SLMAP: variants seen among roughly 807,000 people sequenced by gnomAD.
The protein encoded by SLMAP is sarcolemma associated protein, also known as sarcolemmal membrane-associated protein.
SLMAP carries 44 observed loss-of-function variants against 128.8 expected under a neutral mutation model. The observed-to-expected ratio is 0.34, with a 90% CI of 0.27 to 0.44. SLMAP has a LOEUF of 0.44. Among genes scored for constraint, SLMAP ranks in the 20% least tolerant of loss-of-function variants. The pLI is 1.00. For synonymous variants in SLMAP, 327 were observed against 348.8 expected (o/e 0.94, Z 0.70); for missense variants, 787 against 985.3 (o/e 0.80, Z 2.69).
At position 57,880,169 on chromosome 3, in the gene SLMAP, T is replaced by TTTTTGTTTTG. The variant is rs74656522; in HGVS notation, c.1300+8509_1300+8518dup. Among the ~76,000 whole-genome samples the TTTTTGTTTTG allele has an allele frequency of 6.8e-3, 1,001 of 148,110 alleles. 6 individuals are homozygous for TTTTTGTTTTG. Among genetic ancestry groups the TTTTTGTTTTG allele is most frequent in the South Asian group, 0.03 (136 of 4,600 alleles). ...GTTTTATGTTCCTTTTTGTATGTCA[T>TTTTTGTTTTG]TTTTGTTTTGTTTTGTTTTGTTTTG... On this transcript the variant is annotated intron_variant, in intron 14 of 24. Coordinates refer to ENST00000671191, the MANE Select transcript of SLMAP (RefSeq NM_001377540.1).
chr3:57,924,656 C>T (rs920875739), intron 23 of SLMAP, among the ~76,000 whole-genome samples: 3 of 151,804 alleles, frequency 2.0e-5, no homozygotes, highest in African/African-American at 2.4e-5. Flanking sequence ...TGTGAGCCAC[C>T]GTGTCCAGCT....
rs2097049835 is a variant in SLMAP, at chr3:57,929,529, T to C, written c.*2240T>C. Among the ~76,000 whole-genome samples, 1 of 152,194 alleles carries C rather than the reference T, an allele frequency of 6.6e-6. No individual in the cohort carries two copies. Among genetic ancestry groups the C allele is most frequent in the Admixed American group, 6.5e-5 (1 of 15,292 alleles). Reference sequence around the variant, plus strand: ...AATAAGTCTGTTCATAAGCAATACCTTCAGTTTTGTTCAGTTCACTTCCAC... The same window carrying C: ...AATAAGTCTGTTCATAAGCAATACCCTCAGTTTTGTTCAGTTCACTTCCAC... On this transcript the variant is annotated 3_prime_UTR_variant, in exon 25 of 25. Transcript: ENST00000671191.
At chr3:57,837,040 A>G (rs962217416) in intron 3 of SLMAP, among the ~76,000 whole-genome samples, 4 of 152,196 alleles carry the variant, frequency 2.6e-5, no homozygotes, top group Admixed American at 1.3e-4. Flanking sequence ...AGCAAAGTCA[A>G]TGGTGTATCT....
At chr3:57,760,516 G>T (rs915426370) in intron 2 of SLMAP, among the ~76,000 whole-genome samples, 2 of 152,088 alleles carry the variant, frequency 1.3e-5, no homozygotes, top group Non-Finnish European at 2.9e-5. Flanking sequence ...CATCTATTAT[G>T]TGCCAGACAC....
At chr3:57,761,607 T>A (rs558774619) in intron 2 of SLMAP, among the ~76,000 whole-genome samples, 1 of 152,200 alleles carries the variant, frequency 6.6e-6, no homozygotes, top group East Asian at 1.9e-4. Context: ...AAGAAATTTT[T>A]AAAATTGAAA....
chr3:57,812,303 T>C (rs964160119), intron 2 of SLMAP, among the ~76,000 whole-genome samples: 2 of 152,230 alleles, frequency 1.3e-5, no homozygotes, highest in Non-Finnish European at 2.9e-5. Context: ...TATCCAGTTT[T>C]CCTAGCACCA....
At chr3:57,762,076 T>C (rs1367171288) in intron 2 of SLMAP, among the ~76,000 whole-genome samples, 5 of 135,290 alleles carry the variant, frequency 3.7e-5, no homozygotes, top group Non-Finnish European at 6.3e-5. Flanking sequence ...AAAAAAAAAG[T>C]TGGAAGAAAT....
intron 14 of SLMAP, among the ~76,000 whole-genome samples, chr3:57,881,054 C>A (rs1421284847): frequency 3.3e-5 from 5 of 151,992 alleles, no homozygotes; most frequent in African/African-American, 9.7e-5. Context: ...ATTAGCCAGG[C>A]ATGGTGGCGC....
At chr3:57,855,135 T>A (rs924015053) in intron 6 of SLMAP, among the ~76,000 whole-genome samples, 2 of 152,170 alleles carry the variant, frequency 1.3e-5, no homozygotes, top group African/African-American at 4.8e-5. Flanking sequence ...CCCAGCACTT[T>A]GGGTGACCGA....
chr3:57,769,824 A>G (rs1464680623), intron 2 of SLMAP, among the ~76,000 whole-genome samples: 1 of 152,214 alleles, frequency 6.6e-6, no homozygotes, highest in African/African-American at 2.4e-5. Flanking sequence ...AATGTAGTAT[A>G]TAGATAGTAC....
chr3:57,799,420 G>A (rs1189314296), intron 2 of SLMAP, among the ~76,000 whole-genome samples: 2 of 152,130 alleles, frequency 1.3e-5, no homozygotes, highest in African/African-American at 4.8e-5. Flanking sequence ...TACCTTATGT[G>A]TTGCAGAGAT....
intron 2 of SLMAP, among the ~76,000 whole-genome samples, chr3:57,806,472 C>T (rs987757019): frequency 1.3e-5 from 2 of 152,018 alleles, no homozygotes; most frequent in African/African-American, 4.8e-5. Context: ...GAGTCTTGCT[C>T]TGTCACCCAG....
intron 13 of SLMAP, 24 bp downstream of exon 13, chr3:57,865,316 T>G (rs1249496167): frequency 1.0e-6 from 1 of 1,001,778 alleles, no homozygotes; most frequent in African/African-American, 1.6e-5. Context: ...CTTAAATATA[T>G]ATATACTTTT....
At position 57,896,704 on chromosome 3, in the gene SLMAP, C is replaced by T. The variant is rs539595224; in HGVS notation, c.1441+113C>T. The T allele has an allele frequency of 8.0e-6, 10 of 1,256,140 alleles. No individual in the cohort carries two copies. The East Asian group carries it at 2.5e-4, about 31-fold the overall frequency. The allele number at this position is 1,256,140 out of a possible 1,614,324, so 77.8% of individuals were successfully genotyped here. A position where few individuals can be genotyped will look rare whatever the true frequency, so the allele number is the denominator to read the frequency against. ...GTGTTTGGGGAAAAAAAAAACGCTT[C>T]CATTTATCAAGTCATCCCCTTTGAA... On this transcript the variant is annotated intron_variant, in intron 16 of 24. Coordinates refer to ENST00000671191, the MANE Select transcript of SLMAP (RefSeq NM_001377540.1).
At chr3:57,825,995 T>TG (rs1281617479) in intron 2 of SLMAP, among the ~76,000 whole-genome samples, 2 of 152,200 alleles carry the variant, frequency 1.3e-5, no homozygotes, top group Non-Finnish European at 2.9e-5. Flanking sequence ...ATGGGGAGCT[T>TG]GGAGCTGCCT....
At position 57,919,795 on chromosome 3, in the gene SLMAP, C is replaced by CA. The variant is rs773758598; in HGVS notation, c.2310+2734dup. Among the ~76,000 whole-genome samples the CA allele has an allele frequency of 7.6e-3, 900 of 119,078 alleles. 1 individual carries two copies. The highest frequency in any genetic ancestry group is 0.01 in the African/African-American group (327 of 32,072). 78.1% of individuals were successfully genotyped at this position (119,078 alleles called of 152,430 possible). ...AGGCAACAAGAGCGAAACTCCATCT[C>CA]AAAAAAAAAAAAAAAATTCCTAAAA... On this transcript the variant is annotated intron_variant, in intron 22 of 24. Coordinates refer to ENST00000671191, the MANE Select transcript of SLMAP (RefSeq NM_001377540.1).
chr3:57,810,394 C>T (rs961645924), intron 2 of SLMAP, among the ~76,000 whole-genome samples: 6 of 152,124 alleles, frequency 3.9e-5, no homozygotes, highest in African/African-American at 1.4e-4. Context: ...CCAGCAGACC[C>T]GAGCAAAACT....
At chr3:57,819,912 C>G (rs897574071) in intron 2 of SLMAP, among the ~76,000 whole-genome samples, 1 of 151,966 alleles carries the variant, frequency 6.6e-6, no homozygotes, top group Admixed American at 6.6e-5. Flanking sequence ...CCATCACACC[C>G]AGGTAGTTTT....
chr3:57,914,178 G>C (rs1056392864), intron 21 of SLMAP, among the ~76,000 whole-genome samples: 2 of 152,092 alleles, frequency 1.3e-5, no homozygotes, highest in East Asian at 3.9e-4. Flanking sequence ...ACCACAGTTT[G>C]CCATATTTAA....
Sources: gnomAD v4.1 joint callset for allele counts (sites outside exome capture counted in the v4.1 genomes callset) on GRCh38, gnomAD v4.1.1 for gene constraint, MANE v1.5 for transcripts, NCBI Gene and HGNC (gene_info 2026-07-23, HGNC 2026-07-21) for gene names.